Variants in KCNMB2 observed in about 807,000 individuals in gnomAD.
KCNMB2 encodes the protein potassium calcium-activated channel subfamily M regulatory beta subunit 2, also known as calcium-activated potassium channel subunit beta-2.
In KCNMB2, 9 loss-of-function variants were observed where a neutral mutation model predicts 24.5. The observed-to-expected ratio is 0.37, with a 90% CI of 0.22 to 0.64. KCNMB2 has a LOEUF of 0.64. Among genes scored for constraint, KCNMB2 ranks in the 30% least tolerant of loss-of-function variants. The probability of loss-of-function intolerance (pLI) is 0.63; values close to 1 mark genes in which losing one functional copy is unlikely to be tolerated. For synonymous variants in KCNMB2, 109 were observed against 104.4 expected (o/e 1.04, Z -0.27); for missense variants, 226 against 284.3 (o/e 0.79, Z 1.47).
chr3:178,827,110 G>A (rs780323270), intron 3 of KCNMB2, among the ~76,000 whole-genome samples: 11 of 152,196 alleles, frequency 7.2e-5, no homozygotes, highest in Admixed American at 1.3e-4. Context: ...AAAGGAAAGC[G>A]TATTAATCTG....
At chr3:178,756,956 A>C (rs1278798594) in intron 1 of KCNMB2, 1 of 151,932 alleles carries the variant, frequency 6.6e-6, no homozygotes, top group Admixed American at 6.6e-5. Context: ...AAAGAGAAAA[A>C]TTGCCAAGAA....
chr3:178,574,839 A>T (rs905087022), intron 1 of KCNMB2, among the ~76,000 whole-genome samples: 2 of 152,172 alleles, frequency 1.3e-5, no homozygotes, highest in Non-Finnish European at 2.9e-5. Context: ...ATGCTGAGGC[A>T]GGTGGATCAC....
chr3:178,614,261 A>C (rs1482089662), intron 1 of KCNMB2, among the ~76,000 whole-genome samples: 1 of 39,222 alleles, frequency 2.5e-5, no homozygotes, highest in East Asian at 8.0e-4. Context: ...ATATATATAT[A>C]TATATATATA....
chr3:178,717,356 T>C (rs1242374997), intron 1 of KCNMB2, among the ~76,000 whole-genome samples: 2 of 152,134 alleles, frequency 1.3e-5, no homozygotes, highest in Non-Finnish European at 2.9e-5. Flanking sequence ...TTCACATTCA[T>C]ACTTTGCGTC....
intron 1 of KCNMB2, among the ~76,000 whole-genome samples, chr3:178,800,197 AG>A (rs1469886079): frequency 6.6e-6 from 1 of 152,178 alleles, no homozygotes; most frequent in Non-Finnish European, 1.5e-5. Flanking sequence ...CAAGTTAAAA[AG>A]CTTCTGCATA....
At chr3:178,728,659 C>G (rs1723044665) in intron 1 of KCNMB2, among the ~76,000 whole-genome samples, 1 of 152,186 alleles carries the variant, frequency 6.6e-6, no homozygotes, top group Non-Finnish European at 1.5e-5. Flanking sequence ...CTCTCATCCA[C>G]TTTCTCCCTC....
At chr3:178,757,766 ATATC>A (rs1560005850) in intron 1 of KCNMB2, among the ~76,000 whole-genome samples, 1 of 114,138 alleles carries the variant, frequency 8.8e-6, no homozygotes, top group African/African-American at 3.3e-5. Context: ...ATATATATAT[ATATC>A]CAAGAGGATA....
intron 1 of KCNMB2, among the ~76,000 whole-genome samples, chr3:178,629,321 T>A (rs1218857977): frequency 1.3e-5 from 2 of 152,162 alleles, no homozygotes; most frequent in African/African-American, 4.8e-5. Flanking sequence ...CAAGCAAGGA[T>A]AAACTAAATG....
intron 1 of KCNMB2, among the ~76,000 whole-genome samples, chr3:178,560,675 T>C (rs533442188): frequency 2.8e-4 from 42 of 152,398 alleles, no homozygotes; most frequent in Admixed American, 6.5e-4. Context: ...GAGAGTTCAC[T>C]GACTTAAGGT....
intron 1 of KCNMB2, among the ~76,000 whole-genome samples, chr3:178,592,025 G>A (rs1717693824): frequency 6.6e-6 from 1 of 152,132 alleles, no homozygotes; most frequent in South Asian, 2.1e-4. Flanking sequence ...TTAGCCCAAT[G>A]TGAATTTTTA....
intron 1 of KCNMB2, among the ~76,000 whole-genome samples, chr3:178,751,887 C>T (rs1723863934): frequency 6.6e-6 from 1 of 152,210 alleles, no homozygotes; most frequent in Non-Finnish European, 1.5e-5. Context: ...GCAGATGTTA[C>T]TTCTCTTAGC....
intron 1 of KCNMB2, among the ~76,000 whole-genome samples, chr3:178,652,870 T>C (rs1394922876): frequency 6.6e-6 from 1 of 151,914 alleles, no homozygotes; most frequent in African/African-American, 2.4e-5. Flanking sequence ...ACCATGTTGG[T>C]CAGGCTGGTC....
At chr3:178,832,350 T>TCAGGCTGACTATTC (rs1715087777) in intron 4 of KCNMB2, among the ~76,000 whole-genome samples, 3 of 25,014 alleles carry the variant, frequency 1.2e-4, no homozygotes, top group East Asian at 3.2e-4. Context: ...TTGGCCTATT[T>TCAGGCTGACTATTC]TAAAGATTAT....
chr3:178,607,922 T>C (rs1718338592), intron 1 of KCNMB2, among the ~76,000 whole-genome samples: 1 of 152,164 alleles, frequency 6.6e-6, no homozygotes, highest in Non-Finnish European at 1.5e-5. Flanking sequence ...ACCATTTCTC[T>C]AGTAGTTCTA....
rs1560004829 is a variant in KCNMB2, at chr3:178,757,293, TATATATATATATATCCATCCAAGAGGAC to T, written c.-67-50039_-67-50012del. Among the ~76,000 whole-genome samples, 59 of 108,026 alleles carry T rather than the reference TATATATATATATATCCATCCAAGAGGAC, an allele frequency of 5.5e-4. 2 individuals carry two copies. Among genetic ancestry groups the T allele is most frequent in the African/African-American group, 1.8e-3 (51 of 28,150 alleles). 70.9% of individuals were successfully genotyped at this position (108,026 alleles called of 152,430 possible). On this transcript the variant is annotated intron_variant, in intron 1 of 4. Coordinates refer to ENST00000452583, the MANE Select transcript of KCNMB2 (RefSeq NM_181361.3). ...GTGTGTATACATATATCCAAGAGGA[TATATATATATATATCCATCCAAGAGGAC>T]ATATATATATGTATATATATCCAAG...
intron 1 of KCNMB2, among the ~76,000 whole-genome samples, chr3:178,731,448 T>C (rs1577133283): frequency 1.3e-5 from 2 of 151,954 alleles, no homozygotes; most frequent in African/African-American, 2.4e-5. Flanking sequence ...CTGCCAAATG[T>C]CCCCCGTGGG....
intron 1 of KCNMB2, among the ~76,000 whole-genome samples, chr3:178,614,412 C>A (rs1718632107): frequency 6.7e-6 from 1 of 148,328 alleles, no homozygotes; most frequent in African/African-American, 2.5e-5. Flanking sequence ...ATAATCATGG[C>A]AGAAGGTGAA....
At chr3:178,575,689 C>A (rs1375198031) in intron 1 of KCNMB2, among the ~76,000 whole-genome samples, 1 of 152,110 alleles carries the variant, frequency 6.6e-6, no homozygotes, top group African/African-American at 2.4e-5. Flanking sequence ...GAGTCCCATG[C>A]CAGGTAGGCA....
chr3:178,644,077 T>C (rs1719822316), intron 1 of KCNMB2, among the ~76,000 whole-genome samples: 1 of 152,220 alleles, frequency 6.6e-6, no homozygotes, highest in Non-Finnish European at 1.5e-5. Context: ...CTGTACCTGG[T>C]TTCCAGAAGT....
Sources: allele counts gnomAD v4.1 joint callset (sites outside exome capture counted in the v4.1 genomes callset), GRCh38; gene constraint gnomAD v4.1.1; transcripts MANE v1.5; gene names NCBI Gene and HGNC (gene_info 2026-07-23, HGNC 2026-07-21).